The following TMEM44 variants were observed in gnomAD, a reference collection of about 807,000 sequenced individuals.
The protein encoded by TMEM44 is transmembrane protein 44.
In TMEM44, 43 loss-of-function variants were observed where a neutral mutation model predicts 47.8. The observed-to-expected ratio is 0.90, with a 90% CI of 0.70 to 1.16. The LOEUF (loss-of-function observed/expected upper bound fraction) is 1.16. TMEM44 is among the 50% of genes most tolerant of loss of function. TMEM44 has a pLI of 0.00. For missense variants in TMEM44, 568 were observed against 555.2 expected (o/e 1.02, Z -0.23); for synonymous variants, 277 against 238.8 (o/e 1.16, Z -1.48).
chr3:194,604,187 G>A, intron 9 of TMEM44, 100 bp downstream of exon 9: 2 of 1,426,724 alleles, frequency 1.4e-6, no homozygotes, highest in Non-Finnish European at 1.9e-6. Context: ...AGGTTAACGT[G>A]GATAAGATGA....
intron 7 of TMEM44, among the ~76,000 whole-genome samples, chr3:194,614,804 G>A (rs1370541778): frequency 6.6e-6 from 1 of 152,200 alleles, no homozygotes; most frequent in African/African-American, 2.4e-5. Flanking sequence ...GTGGGCATGC[G>A]ACTATTCCAT....
At chr3:194,615,333 T>C (rs1250294528) in intron 7 of TMEM44, among the ~76,000 whole-genome samples, 1 of 152,202 alleles carries the variant, frequency 6.6e-6, no homozygotes, top group Non-Finnish European at 1.5e-5. Context: ...CCGGCCCTCA[T>C]GGAGGCTCAA....
At chr3:194,590,502 C>A (rs910025409) in intron 9 of TMEM44, among the ~76,000 whole-genome samples, 1 of 152,222 alleles carries the variant, frequency 6.6e-6, no homozygotes, top group African/African-American at 2.4e-5. Context: ...GCTCACCAGG[C>A]CCCTCAGCCT....
chr3:194,609,812 A>G (rs1446930715), intron 8 of TMEM44, among the ~76,000 whole-genome samples: 2 of 151,802 alleles, frequency 1.3e-5, no homozygotes, highest in Non-Finnish European at 2.9e-5. Flanking sequence ...GCCCTGACTG[A>G]CTGCTCGGCT....
rs187769929 is a variant in TMEM44 at position 194,623,216 on chromosome 3, G to C, written c.612+8C>G. The stretch of plus-strand genomic sequence containing the variant: ...GACCCACAGTCCCATCCCCACCCCC[G>C]GCCTCACAATTCTGGAGAGAGGGGG... On this transcript the variant is annotated splice_region_variant and intron_variant, in intron 5 of 9. Coordinates refer to ENST00000347147, the MANE Select transcript of TMEM44 (RefSeq NM_001011655.3). The C allele has an allele frequency of 6.2e-7, 1 of 1,601,674 alleles. No individual in the cohort carries two copies. Among genetic ancestry groups the C allele is most frequent in the Non-Finnish European group, 8.5e-7 (1 of 1,174,082 alleles).
At chr3:194,592,966 G>A (rs1191162038) in intron 9 of TMEM44, 1 of 1,550,334 alleles carries the variant, frequency 6.5e-7, no homozygotes, top group Non-Finnish European at 8.9e-7. Flanking sequence ...ATCTAACAAG[G>A]TCTAACAAAA....
intron 9 of TMEM44, among the ~76,000 whole-genome samples, chr3:194,602,929 A>C (rs1344364166): frequency 6.6e-6 from 1 of 152,198 alleles, no homozygotes; most frequent in Non-Finnish European, 1.5e-5. Flanking sequence ...CCAAACCAAA[A>C]ACTCAACACC....
At position 194,599,639 on chromosome 3, in the gene TMEM44, C is replaced by T. The variant is rs145690280; in HGVS notation, c.1176+4648G>A. Among the ~76,000 whole-genome samples, 318 of 145,200 alleles carry T rather than the reference C, an allele frequency of 2.2e-3. 3 individuals carry two copies. The highest frequency in any genetic ancestry group is 7.1e-3 in the African/African-American group (275 of 38,888). ...TCGTTCTATTGTCCAGGCTGGAATG[C>T]GGTGGCTTGATCTTGACTCACTGCA... On this transcript the variant is annotated intron_variant, in intron 9 of 9. Coordinates refer to ENST00000347147, the MANE Select transcript of TMEM44 (RefSeq NM_001011655.3).
At chr3:194,592,990 TCAAGC>T in intron 9 of TMEM44, 1 of 1,606,496 alleles carries the variant, frequency 6.2e-7, no homozygotes, top group Non-Finnish European at 8.5e-7. Flanking sequence ...GGAACTGAAA[TCAAGC>T]CATAGGAAGT....
At position 194,623,631 on chromosome 3, in the gene TMEM44, C is replaced by G. The variant is rs758307027; in HGVS notation, c.423G>C (p.Leu141=). Residue 141 remains leucine (L), a synonymous_variant, in exon 4 of 10, where the codon CTG becomes CTC. Coordinates refer to ENST00000347147, the MANE Select transcript of TMEM44 (RefSeq NM_001011655.3). ...QLRASVFALA[L]PLSLGPCWAL... ...CCCAGCACGGGCCCAGGCTCAGCGG[C>G]AGGGCCAGGGCAAACACACTGGCCC... 6.2e-7 allele frequency: 1 copy of G among 1,612,752 alleles called. No individual in the cohort carries two copies. The highest frequency in any genetic ancestry group is 1.3e-5 in the African/African-American group (1 of 75,050).
chr3:194,609,748 G>A lies in TMEM44; in HGVS notation c.1017+1168C>T, dbSNP rs189857605. 5.3e-5 allele frequency among the ~76,000 whole-genome samples: 8 copies of A among 152,066 alleles called. No individual in the cohort carries two copies. In the East Asian group the frequency reaches 9.7e-4, roughly 18 times the overall value. ...CGCTCAACTCTGTCTCTGCTTCTCC[G>A]TCTGCTCCAACCTCAGTTTAGGCCA... On this transcript the variant is annotated intron_variant, in intron 8 of 9. Coordinates refer to ENST00000347147, the MANE Select transcript of TMEM44 (RefSeq NM_001011655.3).
chr3:194,617,703 G>C (rs1223845642), intron 5 of TMEM44: 3 of 704,128 alleles, frequency 4.3e-6, no homozygotes, highest in Non-Finnish European at 5.2e-6. Flanking sequence ...ACGTGAGGGA[G>C]ACTGGGATGG....
chr3:194,593,760 C>T (rs1713038916), intron 9 of TMEM44, among the ~76,000 whole-genome samples: 1 of 152,118 alleles, frequency 6.6e-6, no homozygotes, highest in Non-Finnish European at 1.5e-5. Context: ...GTTATTATCA[C>T]ATTAAAACAA....
chr3:194,594,153 A>ATCTATCTG (rs1553824445), intron 9 of TMEM44, among the ~76,000 whole-genome samples: 7 of 148,284 alleles, frequency 4.7e-5, no homozygotes, highest in Non-Finnish European at 1.0e-4. Context: ...CTATCTATCT[A>ATCTATCTG]TCTATCTATC....
At chr3:194,614,831 A>G (rs1276360696) in intron 7 of TMEM44, among the ~76,000 whole-genome samples, 1 of 152,274 alleles carries the variant, frequency 6.6e-6, no homozygotes, top group African/African-American at 2.4e-5. Flanking sequence ...TGCTAAAAAT[A>G]TAAGCCATTA....
chr3:194,621,718 ATTTTT>A (rs34426435), intron 5 of TMEM44, among the ~76,000 whole-genome samples: 2 of 147,268 alleles, frequency 1.4e-5, no homozygotes. Flanking sequence ...TGGGCAAGTA[ATTTTT>A]TTTTTTTTTT....
intron 1 of TMEM44, among the ~76,000 whole-genome samples, chr3:194,632,479 C>A (rs1560209123): frequency 6.6e-6 from 1 of 152,198 alleles, no homozygotes; most frequent in East Asian, 1.9e-4. Flanking sequence ...CTTAGGCTAC[C>A]GTGGGCATCT....
At chr3:194,605,989 G>A (rs1435719707) in intron 8 of TMEM44, among the ~76,000 whole-genome samples, 2 of 152,160 alleles carry the variant, frequency 1.3e-5, no homozygotes, top group African/African-American at 2.4e-5. Flanking sequence ...CTGGAAGCAG[G>A]AACACAGGTG....
intron 3 of TMEM44, among the ~76,000 whole-genome samples, chr3:194,624,559 C>T (rs184685659): frequency 6.6e-6 from 1 of 152,104 alleles, no homozygotes; most frequent in Non-Finnish European, 1.5e-5. Flanking sequence ...GCTGGGACCA[C>T]AGGCATGCAC....
Sources: gnomAD v4.1 joint callset for allele counts (sites outside exome capture counted in the v4.1 genomes callset) on GRCh38, gnomAD v4.1.1 for gene constraint, MANE v1.5 for transcripts, NCBI Gene and HGNC (gene_info 2026-07-23, HGNC 2026-07-21) for gene names.